Variants in IER5 observed in about 807,000 individuals in gnomAD.
The protein encoded by IER5 is immediate early response gene 5 protein.
Under a neutral mutation model 8.2 loss-of-function variants are expected in IER5, and 3 were observed. That is an observed-to-expected ratio of 0.36 (90% CI 0.17 to 0.94). The LOEUF (loss-of-function observed/expected upper bound fraction) is 0.94. Ranked by LOEUF, IER5 falls within the 40% of genes least tolerant of loss-of-function variation. The probability of loss-of-function intolerance (pLI) is 0.43; values close to 1 mark genes in which losing one functional copy is unlikely to be tolerated. For synonymous variants in IER5, 286 were observed against 230.1 expected (o/e 1.24, Z -2.20); for missense variants, 531 against 494.3 (o/e 1.07, Z -0.70).
At position 181,089,721 on chromosome 1, in the gene IER5, C is replaced by T; in HGVS notation, c.819C>T (p.Phe273=). Residue 273 remains phenylalanine (F), a synonymous_variant, in exon 1 of 1, where the codon TTC becomes TTT. Transcript: ENST00000367577. The part of the protein sequence containing the change: ...TGNVANLISI[F]GSSFSGLLRK... ...ACGTGGCTAACCTCATCAGCATCTTCGGTTCCAGTTTCTCGGGACTCCTAC... is the reference window on the plus strand; with the variant it reads ...ACGTGGCTAACCTCATCAGCATCTTTGGTTCCAGTTTCTCGGGACTCCTAC... 1.2e-6 allele frequency: 2 copies of T among 1,613,876 alleles called. No homozygotes were observed. Among genetic ancestry groups the T allele is most frequent in the Non-Finnish European group, 1.7e-6 (2 of 1,179,958 alleles).
At position 181,091,871 on chromosome 1, in the gene IER5, T is replaced by C. The variant is rs934694945; in HGVS notation, c.*1985T>C. On this transcript the variant is annotated 3_prime_UTR_variant, in exon 1 of 1. Coordinates refer to ENST00000367577, the MANE Select transcript of IER5 (RefSeq NM_016545.5). ...GTGTCTTGGCCTTAACTCCCAATTA[T>C]ACGAACTTCTGTTTTAGCTGAATAG... The C allele has an allele frequency of 1.3e-5, 2 of 152,230 alleles. No individual in the cohort carries two copies. Among genetic ancestry groups the C allele is most frequent in the Non-Finnish European group, 2.9e-5 (2 of 68,020 alleles). The allele number at this position is 152,230 out of a possible 1,614,324, so 9.4% of individuals were successfully genotyped here. A position where few individuals can be genotyped will look rare whatever the true frequency, so the allele number is the denominator to read the frequency against.
chr1:181,089,511 A>G lies in IER5; in HGVS notation c.609A>G (p.Pro203=). The change falls in exon 1 of 1, where the codon CCA becomes CCG. Residue 203 remains proline, a synonymous_variant. Transcript: ENST00000367577. ...CTGCCTGCTGCTGCGCGCCGCAACC[A>G]GCGGAGGACGAGCCCCCCGCGCCGC... is the stretch of plus-strand genomic sequence containing the variant. ...PRAACCCAPQ[P]AEDEPPAPPA... is the part of the protein sequence containing the mutation. The G allele has an allele frequency of 1.5e-6, 2 of 1,300,672 alleles. No individual in the cohort carries two copies. The highest frequency in any genetic ancestry group is 2.4e-5 in the South Asian group (1 of 41,638). The allele number at this position is 1,300,672 out of a possible 1,614,324, so 80.6% of individuals were successfully genotyped here.
rs866015047 is a variant in IER5 at position 181,089,502 on chromosome 1, G to C, written c.600G>C (p.Ala200=). The C allele has an allele frequency of 1.1e-5, 14 of 1,313,654 alleles. No individual in the cohort carries two copies. The South Asian group carries it at 2.8e-4, about 27-fold the overall frequency. 81.4% of individuals were successfully genotyped at this position (1,313,654 alleles called of 1,614,324 possible). A position where few individuals can be genotyped will look rare whatever the true frequency, so the allele number is the denominator to read the frequency against. The change falls in exon 1 of 1, where the codon GCG becomes GCC. Residue 200 remains alanine, a synonymous_variant. Transcript: ENST00000367577. ...AATPRAACCC[A]PQPAEDEPPA... ...CCCCCCGCGCTGCCTGCTGCTGCGC[G>C]CCGCAACCAGCGGAGGACGAGCCCC...
Position 181,092,562 on chromosome 1 carries a change from A to G in IER5, c.*2676A>G, listed in dbSNP as rs1395782004. The G allele has an allele frequency of 8.5e-5, 13 of 152,094 alleles. No homozygotes were observed. Among genetic ancestry groups the G allele is most frequent in the Admixed American group, 7.9e-4 (12 of 15,248 alleles). 9.4% of individuals were successfully genotyped at this position (152,094 alleles called of 1,614,324 possible). ...CAATCCTCCTGCCTCAGCCTCCCAA[A>G]GTGCTGGGATTACAGGCATGAGCCA... On this transcript the variant is annotated 3_prime_UTR_variant, in exon 1 of 1. Coordinates refer to ENST00000367577, the MANE Select transcript of IER5 (RefSeq NM_016545.5).
In IER5 at chr1:181,089,850, C is replaced by T. The variant is rs1230626506; in HGVS notation, c.948C>T (p.Asp316=). The change falls in exon 1 of 1, where the codon GAC becomes GAT. Residue 316 remains aspartate (D), a synonymous_variant. Coordinates refer to ENST00000367577, the MANE Select transcript of IER5 (RefSeq NM_016545.5). The part of the protein sequence containing the change: ...QICCDKPVLR[D]MNPWSTAIVA... The stretch of plus-strand genomic sequence containing the variant: ...GCTGCGATAAGCCGGTGCTGAGAGA[C>T]ATGAACCCCTGGAGCACAGCCATCG... The T allele has an allele frequency of 1.2e-6, 2 of 1,613,244 alleles. No individual in the cohort carries two copies. The highest frequency in any genetic ancestry group is 1.7e-6 in the Non-Finnish European group (2 of 1,179,896).
chr1:181,089,597 C>T lies in IER5; in HGVS notation c.695C>T (p.Pro232Leu), dbSNP rs769045753. The change falls in exon 1 of 1, where the codon CCG becomes CTG. Residue 232 changes from proline (P) to leucine (L), a missense_variant. Pro to Leu is a moderately conservative substitution (Grantham distance 98, BLOSUM62 -3). Transcript: ENST00000367577. Reference sequence around the variant, plus strand: ...GTGGGCGGCGGCCCAGCGGGCTGCCCGGCGCCCGGCTCGACCCCGCTCAAG... The same window carrying T: ...GTGGGCGGCGGCCCAGCGGGCTGCCTGGCGCCCGGCTCGACCCCGCTCAAG... ...AGVGGGPAGC[P>L]APGSTPLKKP... 4.4e-6 allele frequency: 7 copies of T among 1,595,338 alleles called. No individual in the cohort carries two copies. The highest frequency in any genetic ancestry group is 2.7e-5 in the African/African-American group (2 of 74,516).
Position 181,089,495 on chromosome 1 carries a change from G to A in IER5, c.593G>A (p.Cys198Tyr), listed in dbSNP as rs1164559720. The A allele has an allele frequency of 1.5e-6, 2 of 1,324,772 alleles. No individual in the cohort carries two copies. The highest frequency in any genetic ancestry group is 6.8e-5 in the Admixed American group (2 of 29,424). The allele number at this position is 1,324,772 out of a possible 1,614,324, so 82.1% of individuals were successfully genotyped here. ...TPAATPRAAC[C>Y]CAPQPAEDEP... is the part of the protein sequence containing the mutation. ...GCCGCGACCCCCCGCGCTGCCTGCTGCTGCGCGCCGCAACCAGCGGAGGAC... is the reference window on the plus strand; with the variant it reads ...GCCGCGACCCCCCGCGCTGCCTGCTACTGCGCGCCGCAACCAGCGGAGGAC... The change falls in exon 1 of 1, where the codon TGC becomes TAC. Residue 198 changes from cysteine (C) to tyrosine (Y), a missense_variant. Coordinates refer to ENST00000367577, the MANE Select transcript of IER5 (RefSeq NM_016545.5).
Position 181,089,454 on chromosome 1 carries a change from C to A in IER5, c.552C>A (p.Asp184Glu). 1 of 1,365,866 alleles carries A rather than the reference C, an allele frequency of 7.3e-7. No homozygotes were observed. The highest frequency in any genetic ancestry group is 9.4e-7 in the Non-Finnish European group (1 of 1,059,520). 84.6% of individuals were successfully genotyped at this position (1,365,866 alleles called of 1,614,324 possible). A position where few individuals can be genotyped will look rare whatever the true frequency, so the allele number is the denominator to read the frequency against. The change falls in exon 1 of 1, where the codon GAC becomes GAA. Residue 184 changes from aspartate to glutamate, a missense_variant. Transcript: ENST00000367577. ...RPCGCPLGGE[D>E]PPGTPAATPR... is the part of the protein sequence containing the mutation. Reference sequence around the variant, plus strand: ...GCGGCTGCCCCCTAGGCGGGGAGGACCCGCCGGGTACACCGGCCGCGACCC... The same window carrying A: ...GCGGCTGCCCCCTAGGCGGGGAGGAACCGCCGGGTACACCGGCCGCGACCC...
Position 181,090,183 on chromosome 1 carries a change from T to G in IER5, c.*297T>G. 1 of 428,118 alleles carries G rather than the reference T, an allele frequency of 2.3e-6. No individual in the cohort carries two copies. Among genetic ancestry groups the G allele is most frequent in the Non-Finnish European group, 4.3e-6 (1 of 231,652 alleles). The allele number at this position is 428,118 out of a possible 1,614,324, so 26.5% of individuals were successfully genotyped here. On this transcript the variant is annotated 3_prime_UTR_variant, in exon 1 of 1. Transcript: ENST00000367577. Reference sequence around the variant, plus strand: ...TGCTCTTCTGGAATGCACCACTCCTTCCCCAGGGTTTAAGAGATTGGGGGC... The same window carrying G: ...TGCTCTTCTGGAATGCACCACTCCTGCCCCAGGGTTTAAGAGATTGGGGGC...
At position 181,091,053 on chromosome 1, in the gene IER5, C is replaced by T. The variant is rs1044726673; in HGVS notation, c.*1167C>T. 6.6e-6 allele frequency: 1 copy of T among 152,038 alleles called. No homozygotes were observed. The highest frequency in any genetic ancestry group is 2.1e-4 in the South Asian group (1 of 4,830). The allele number at this position is 152,038 out of a possible 1,614,324, so 9.4% of individuals were successfully genotyped here. ...GACTGCTATTAGATACTAATATCGG[C>T]GACCTGTCAGGTTCTAGAAACCTGC... is the stretch of plus-strand genomic sequence containing the variant. On this transcript the variant is annotated 3_prime_UTR_variant, in exon 1 of 1. Transcript: ENST00000367577.
rs1395916307 is a variant in IER5, at chr1:181,091,327, C to G, written c.*1441C>G. ...AACTGACATAGGAAGATGAAAGAGA[C>G]TGACTTGTCCAAATTGTCAGGTCCA... On this transcript the variant is annotated 3_prime_UTR_variant, in exon 1 of 1. Coordinates refer to ENST00000367577, the MANE Select transcript of IER5 (RefSeq NM_016545.5). 6.6e-6 allele frequency: 1 copy of G among 152,160 alleles called. No individual in the cohort carries two copies. The highest frequency in any genetic ancestry group is 1.5e-5 in the Non-Finnish European group (1 of 68,030). The allele number at this position is 152,160 out of a possible 1,614,324, so 9.4% of individuals were successfully genotyped here.
rs1206508147 is a variant in IER5 at position 181,091,625 on chromosome 1, T to C, written c.*1739T>C. 1 of 152,258 alleles carries C rather than the reference T, an allele frequency of 6.6e-6. No homozygotes were observed. The highest frequency in any genetic ancestry group is 2.4e-5 in the African/African-American group (1 of 41,472). The allele number at this position is 152,258 out of a possible 1,614,324, so 9.4% of individuals were successfully genotyped here. On this transcript the variant is annotated 3_prime_UTR_variant, in exon 1 of 1. Coordinates refer to ENST00000367577, the MANE Select transcript of IER5 (RefSeq NM_016545.5). ...ACTGCCATTAAGAGAGTTTTTTGTCTCTTCATGTTCAATGTTTGAAAGGTA... is the reference window on the plus strand; with the variant it reads ...ACTGCCATTAAGAGAGTTTTTTGTCCCTTCATGTTCAATGTTTGAAAGGTA...
In IER5 at chr1:181,088,788, G is replaced by A; in HGVS notation, c.-115G>A. 1.3e-6 allele frequency: 1 copy of A among 786,126 alleles called. No homozygotes were observed. Among genetic ancestry groups the A allele is most frequent in the Non-Finnish European group, 2.0e-6 (1 of 504,054 alleles). 48.7% of individuals were successfully genotyped at this position (786,126 alleles called of 1,614,324 possible). ...CGCGTCACCAGAGTCGTTTCTCTTC[G>A]GAGTCTTAGGTGATCGAGGGTGTGC... On this transcript the variant is annotated 5_prime_UTR_variant, in exon 1 of 1. Transcript: ENST00000367577.
Position 181,091,758 on chromosome 1 carries a change from G to T in IER5, c.*1872G>T, listed in dbSNP as rs1380473914. The stretch of plus-strand genomic sequence containing the variant: ...GGTACTGGTTTCTAACAACTTACGA[G>T]TATATAGGGTATTTAAAAGATGGGA... On this transcript the variant is annotated 3_prime_UTR_variant, in exon 1 of 1. Transcript: ENST00000367577. 1 of 152,224 alleles carries T rather than the reference G, an allele frequency of 6.6e-6. No homozygotes were observed. The highest frequency in any genetic ancestry group is 1.5e-5 in the Non-Finnish European group (1 of 68,058). The allele number at this position is 152,224 out of a possible 1,614,324, so 9.4% of individuals were successfully genotyped here.
rs1659467158 is a variant in IER5 at position 181,091,145 on chromosome 1, C to T, written c.*1259C>T. Reference sequence around the variant, plus strand: ...TCACCCAATATGTGGGTGTCTAATACTAAGTAATTTAACCAACTTTTGAAG... The same window carrying T: ...TCACCCAATATGTGGGTGTCTAATATTAAGTAATTTAACCAACTTTTGAAG... On this transcript the variant is annotated 3_prime_UTR_variant, in exon 1 of 1. Transcript: ENST00000367577. 6.6e-6 allele frequency: 1 copy of T among 152,038 alleles called. No individual in the cohort carries two copies. The highest frequency in any genetic ancestry group is 1.5e-5 in the Non-Finnish European group (1 of 68,042). The allele number at this position is 152,038 out of a possible 1,614,324, so 9.4% of individuals were successfully genotyped here. A position where few individuals can be genotyped will look rare whatever the true frequency, so the allele number is the denominator to read the frequency against.
In IER5 at chr1:181,089,482, C is replaced by T. The variant is rs1416829; in HGVS notation, c.580C>T (p.Arg194Cys). 7.3e-5 allele frequency: 97 copies of T among 1,336,770 alleles called. 1 individual carries two copies. The highest frequency in any genetic ancestry group is 2.0e-4 in the African/African-American group (13 of 65,112). The allele number at this position is 1,336,770 out of a possible 1,614,324, so 82.8% of individuals were successfully genotyped here. Residue 194 changes from arginine (R) to cysteine (C), a missense_variant, in exon 1 of 1, where the codon CGC becomes TGC. Arg to Cys is a radical substitution (Grantham distance 180). Coordinates refer to ENST00000367577, the MANE Select transcript of IER5 (RefSeq NM_016545.5). ...GCCGGGTACACCGGCCGCGACCCCC[C>T]GCGCTGCCTGCTGCTGCGCGCCGCA... ...DPPGTPAATP[R>C]AACCCAPQPA...
chr1:181,089,971 C>A lies in IER5; in HGVS notation c.*85C>A. 6.6e-7 allele frequency: 1 copy of A among 1,522,522 alleles called. No homozygotes were observed. The highest frequency in any genetic ancestry group is 1.2e-5 in the South Asian group (1 of 81,628). 94.3% of individuals were successfully genotyped at this position (1,522,522 alleles called of 1,614,324 possible). ...GGCCCTTCCCGGCTGCGAGGACGCC[C>A]AGAGACCGCGGGCGCTGAGCGCGTT... On this transcript the variant is annotated 3_prime_UTR_variant, in exon 1 of 1. Coordinates refer to ENST00000367577, the MANE Select transcript of IER5 (RefSeq NM_016545.5).
chr1:181,088,767 T>C lies in IER5; in HGVS notation c.-136T>C. The C allele has an allele frequency of 1.5e-6, 1 of 667,868 alleles. No homozygotes were observed. The highest frequency in any genetic ancestry group is 2.5e-6 in the Non-Finnish European group (1 of 407,614). 41.4% of individuals were successfully genotyped at this position (667,868 alleles called of 1,614,324 possible). ...AGAGGTTAGTAGAGCAGCGCGCGCGTCACCAGAGTCGTTTCTCTTCGGAGT... is the reference window on the plus strand; with the variant it reads ...AGAGGTTAGTAGAGCAGCGCGCGCGCCACCAGAGTCGTTTCTCTTCGGAGT... On this transcript the variant is annotated 5_prime_UTR_variant, in exon 1 of 1. Coordinates refer to ENST00000367577, the MANE Select transcript of IER5 (RefSeq NM_016545.5).
rs557633971 is a variant in IER5, at chr1:181,092,229, T to G, written c.*2343T>G. ...TAAAGGGGGTAACGTTTGGTGTGTT[T>G]AAGAGAGCTGATGTGTTTTGGATGA... On this transcript the variant is annotated 3_prime_UTR_variant, in exon 1 of 1. Transcript: ENST00000367577. 2.0e-5 allele frequency: 3 copies of G among 151,996 alleles called. No homozygotes were observed. The South Asian group carries it at 6.2e-4, about 32-fold the overall frequency. 9.4% of individuals were successfully genotyped at this position (151,996 alleles called of 1,614,324 possible).
Sources: allele counts gnomAD v4.1 joint callset, GRCh38; gene constraint gnomAD v4.1.1; transcripts MANE v1.5; gene names NCBI Gene and HGNC (gene_info 2026-07-23, HGNC 2026-07-21).